The following TCF7L1 variants were observed in gnomAD, a reference collection of about 807,000 sequenced individuals.
The protein encoded by TCF7L1 is transcription factor 7 like 1.
Under a neutral mutation model 63.7 loss-of-function variants are expected in TCF7L1, and 18 were observed. The ratio of observed to expected loss-of-function variants is 0.28; its 90% CI spans 0.20 to 0.42. The LOEUF (loss-of-function observed/expected upper bound fraction) is 0.42. Ranked by LOEUF, TCF7L1 falls within the 10% of genes least tolerant of loss-of-function variation. The pLI is 1.00. For missense variants in TCF7L1, 654 were observed against 779.3 expected (o/e 0.84, Z 1.91); for synonymous variants, 355 against 340.9 (o/e 1.04, Z -0.46).
intron 3 of TCF7L1, among the ~76,000 whole-genome samples, chr2:85,233,594 G>A (rs903952677): frequency 1.2e-4 from 18 of 152,144 alleles, no homozygotes; most frequent in Non-Finnish European, 8.8e-5. Flanking sequence ...GATTACCAGC[G>A]TGAGCCACTG....
At chr2:85,270,952 C>G (rs1483800610) in intron 3 of TCF7L1, among the ~76,000 whole-genome samples, 1 of 152,098 alleles carries the variant, frequency 6.6e-6, no homozygotes, top group Non-Finnish European at 1.5e-5. Flanking sequence ...CTGCCTCAGC[C>G]TCCCAAAATG....
At chr2:85,259,463 A>G (rs903460390) in intron 3 of TCF7L1, among the ~76,000 whole-genome samples, 7 of 152,210 alleles carry the variant, frequency 4.6e-5, no homozygotes, top group African/African-American at 2.4e-5. Context: ...GTTTGGCCCT[A>G]TAAAGCAGAG....
intron 4 of TCF7L1, among the ~76,000 whole-genome samples, chr2:85,297,526 G>A (rs1341948187): frequency 1.3e-5 from 2 of 152,138 alleles, no homozygotes; most frequent in Non-Finnish European, 2.9e-5. Flanking sequence ...CTTTCAAAAT[G>A]TGAAAGTCAT....
intron 3 of TCF7L1, among the ~76,000 whole-genome samples, chr2:85,161,398 T>C (rs770727208): frequency 5.9e-5 from 9 of 152,232 alleles, no homozygotes; most frequent in Non-Finnish European, 8.8e-5. Flanking sequence ...GCTGCAGTTA[T>C]CTTTGCAGCA....
Position 85,309,630 on chromosome 2 carries a change from T to C in TCF7L1, c.*168T>C. On this transcript the variant is annotated 3_prime_UTR_variant, in exon 12 of 12. Coordinates refer to ENST00000282111, the MANE Select transcript of TCF7L1 (RefSeq NM_031283.3). ...GTTTGTAGATGTAACCAGTAGCTGA[T>C]CTTAAGGCTTTTTTAAAAAACAAAA... is the stretch of plus-strand genomic sequence containing the variant. The C allele has an allele frequency of 1.8e-6, 1 of 551,994 alleles. No homozygotes were observed. The highest frequency in any genetic ancestry group is 3.8e-5 in the Admixed American group (1 of 26,384). The allele number at this position is 551,994 out of a possible 1,614,324, so 34.2% of individuals were successfully genotyped here.
chr2:85,152,437 CT>C (rs36116388), intron 3 of TCF7L1, among the ~76,000 whole-genome samples: 41 of 131,874 alleles, frequency 3.1e-4, no homozygotes, highest in Admixed American at 3.2e-4. Context: ...CTCTCTCTCT[CT>C]TTTTTTTTTT....
intron 3 of TCF7L1, among the ~76,000 whole-genome samples, chr2:85,192,615 T>C (rs1170769849): frequency 6.6e-6 from 1 of 152,026 alleles, no homozygotes; most frequent in Non-Finnish European, 1.5e-5. Flanking sequence ...ACTCCTGGCC[T>C]CAGGTGATCC....
Position 85,210,614 on chromosome 2 carries a change from G to A in TCF7L1, c.442-72881G>A, listed in dbSNP as rs142081162. 5.8e-3 allele frequency among the ~76,000 whole-genome samples: 884 copies of A among 152,290 alleles called. 13 individuals carry two copies. Among genetic ancestry groups the A allele is most frequent in the African/African-American group, 0.021 (853 of 41,558 alleles). On this transcript the variant is annotated intron_variant, in intron 3 of 11. Coordinates refer to ENST00000282111, the MANE Select transcript of TCF7L1 (RefSeq NM_031283.3). Reference sequence around the variant, plus strand: ...TGAAGGAAGTTTCAGACAACAGTGCGGAGGGAGGGCTGGGTTCATCCAGGT... The same window carrying A: ...TGAAGGAAGTTTCAGACAACAGTGCAGAGGGAGGGCTGGGTTCATCCAGGT...
At chr2:85,184,606 C>T (rs900577673) in intron 3 of TCF7L1, among the ~76,000 whole-genome samples, 5 of 152,124 alleles carry the variant, frequency 3.3e-5, no homozygotes, top group Non-Finnish European at 2.9e-5. Context: ...AGATTCCTCA[C>T]CTGGAGAGCT....
At chr2:85,238,776 A>G (rs1680252991) in intron 3 of TCF7L1, among the ~76,000 whole-genome samples, 1 of 138,738 alleles carries the variant, frequency 7.2e-6, no homozygotes, top group Non-Finnish European at 1.5e-5. Context: ...CTTTTGGAGC[A>G]TTTTATTTAT....
At chr2:85,285,640 G>A (rs1159612928) in intron 4 of TCF7L1, among the ~76,000 whole-genome samples, 2 of 152,200 alleles carry the variant, frequency 1.3e-5, no homozygotes, top group African/African-American at 2.4e-5. Context: ...CACGAGGCGC[G>A]GGTGCCCTCT....
chr2:85,270,477 G>A (rs538210088), intron 3 of TCF7L1, among the ~76,000 whole-genome samples: 7 of 152,230 alleles, frequency 4.6e-5, no homozygotes, highest in African/African-American at 1.4e-4. Context: ...ACCTCCTGGC[G>A]TAAATCAGAG....
chr2:85,209,194 A>G (rs1679487703), intron 3 of TCF7L1, among the ~76,000 whole-genome samples: 2 of 152,218 alleles, frequency 1.3e-5, no homozygotes, highest in South Asian at 2.1e-4. Flanking sequence ...ATAAGGCAGT[A>G]TATCTCTAAG....
intron 3 of TCF7L1, among the ~76,000 whole-genome samples, chr2:85,162,133 G>C (rs1678302870): frequency 6.6e-6 from 1 of 152,068 alleles, no homozygotes; most frequent in South Asian, 2.1e-4. Flanking sequence ...TACTCTGGAG[G>C]CTGAGGCAGG....
At chr2:85,242,013 G>A (rs970823239) in intron 3 of TCF7L1, among the ~76,000 whole-genome samples, 1 of 84,914 alleles carries the variant, frequency 1.2e-5, no homozygotes, top group Admixed American at 1.2e-4. Context: ...GGCGGAGGGG[G>A]GCGGTGGTGC....
At chr2:85,247,992 T>C (rs897953077) in intron 3 of TCF7L1, among the ~76,000 whole-genome samples, 2 of 152,192 alleles carry the variant, frequency 1.3e-5, no homozygotes, top group Non-Finnish European at 2.9e-5. Flanking sequence ...AAAAGACTCC[T>C]TGTGGCCGGT....
At chr2:85,290,885 C>A (rs897453079) in intron 4 of TCF7L1, among the ~76,000 whole-genome samples, 1 of 152,222 alleles carries the variant, frequency 6.6e-6, no homozygotes, top group Non-Finnish European at 1.5e-5. Context: ...TCTGTCCTTC[C>A]AGCCCACCAG....
chr2:85,218,675 A>C (rs1679770032), intron 3 of TCF7L1, among the ~76,000 whole-genome samples: 1 of 151,974 alleles, frequency 6.6e-6, no homozygotes, highest in South Asian at 2.1e-4. Context: ...TTCTTTCCTA[A>C]AGCTTTTGCA....
chr2:85,191,739 C>T (rs925721393), intron 3 of TCF7L1, among the ~76,000 whole-genome samples: 5 of 151,332 alleles, frequency 3.3e-5, no homozygotes, highest in East Asian at 1.9e-4. Flanking sequence ...GCAGGAGAAT[C>T]GCTTGCAGCT....
Sources: gnomAD v4.1 joint callset for allele counts (sites outside exome capture counted in the v4.1 genomes callset) on GRCh38, gnomAD v4.1.1 for gene constraint, MANE v1.5 for transcripts, NCBI Gene and HGNC (gene_info 2026-07-23, HGNC 2026-07-21) for gene names.